Variants in CHMP4B observed in about 807,000 individuals in gnomAD.
CHMP4B encodes charged multivesicular body protein 4B, also known as SNF7 homolog associated with Alix 1.
In CHMP4B, 1 loss-of-function variant was observed where a neutral mutation model predicts 25.1. The ratio of observed to expected loss-of-function variants is 0.04; its 90% CI spans 0.01 to 0.19. The LOEUF is 0.19. Ranked by LOEUF, CHMP4B falls within the 10% of genes least tolerant of loss-of-function variation. The pLI, the probability that CHMP4B is intolerant of heterozygous loss-of-function variation, is 1.00. For synonymous variants in CHMP4B, 101 were observed against 115.6 expected (o/e 0.87, Z 0.81); for missense variants, 151 against 289.7 (o/e 0.52, Z 3.48).
intron 1 of CHMP4B, among the ~76,000 whole-genome samples, chr20:33,844,800 C>T (rs1253363474): frequency 1.3e-5 from 2 of 151,412 alleles, no homozygotes; most frequent in Non-Finnish European, 2.9e-5. Flanking sequence ...GCTCTGTCGC[C>T]CAGGCTGGAG....
rs1037777825 is a variant in CHMP4B at position 33,853,635 on chromosome 20, C to T, written c.*75C>T. 2 of 1,342,250 alleles carry T rather than the reference C, an allele frequency of 1.5e-6. No homozygotes were observed. Among genetic ancestry groups the T allele is most frequent in the Non-Finnish European group, 1.1e-6 (1 of 933,800 alleles). The allele number at this position is 1,342,250 out of a possible 1,614,324, so 83.1% of individuals were successfully genotyped here. A position where few individuals can be genotyped will look rare whatever the true frequency, so the allele number is the denominator to read the frequency against. ...CGAGCAGGCGTGTGCGTGTGTGGGG[C>T]AGGCAGGATGTGGTGCAGGCAGGTT... On this transcript the variant is annotated 3_prime_UTR_variant, in exon 5 of 5. Coordinates refer to ENST00000217402, the MANE Select transcript of CHMP4B (RefSeq NM_176812.5).
intron 2 of CHMP4B, among the ~76,000 whole-genome samples, chr20:33,850,471 A>G (rs1601329553): frequency 1.3e-5 from 2 of 152,214 alleles, no homozygotes; most frequent in African/African-American, 4.8e-5. Context: ...CAGTGTGTAG[A>G]AGAAAATTCT....
rs55917511 is a variant in CHMP4B, at chr20:33,830,933, G to GTTTTTTTTTTT, written c.191-17528_191-17518dup. Among the ~76,000 whole-genome samples, 22 of 102,566 alleles carry GTTTTTTTTTTT rather than the reference G, an allele frequency of 2.1e-4. 1 individual carries two copies. Among genetic ancestry groups the GTTTTTTTTTTT allele is most frequent in the African/African-American group, 6.6e-4 (18 of 27,432 alleles). The allele number at this position is 102,566 out of a possible 152,430, so 67.3% of individuals were successfully genotyped here. ...TGAATTAATTGTTCAAAGGAACAGAGTTTTTTTTTTTTTTTTAGTTTTTTT... is the reference window on the plus strand; with the variant it reads ...TGAATTAATTGTTCAAAGGAACAGAGTTTTTTTTTTTTTTTTTTTTTTTTTTTAGTTTTTTT... On this transcript the variant is annotated intron_variant, in intron 1 of 4. Coordinates refer to ENST00000217402, the MANE Select transcript of CHMP4B (RefSeq NM_176812.5).
intron 1 of CHMP4B, among the ~76,000 whole-genome samples, chr20:33,846,499 G>A (rs1230338055): frequency 6.6e-6 from 1 of 152,206 alleles, no homozygotes; most frequent in African/African-American, 2.4e-5. Context: ...GATGTTTTAC[G>A]AGTTCTCTTT....
At chr20:33,825,974 T>C (rs1307097725) in intron 1 of CHMP4B, among the ~76,000 whole-genome samples, 1 of 152,132 alleles carries the variant, frequency 6.6e-6, no homozygotes, top group African/African-American at 2.4e-5. Flanking sequence ...GAAAAAAGGT[T>C]GTTAAGTTCC....
intron 1 of CHMP4B, among the ~76,000 whole-genome samples, chr20:33,829,768 A>G (rs1359310617): frequency 6.6e-6 from 1 of 152,216 alleles, no homozygotes; most frequent in African/African-American, 2.4e-5. Flanking sequence ...GAGTCTCCGG[A>G]GATAGTTTAA....
At chr20:33,832,725 T>C (rs1392540691) in intron 1 of CHMP4B, among the ~76,000 whole-genome samples, 1 of 151,922 alleles carries the variant, frequency 6.6e-6, no homozygotes, top group Admixed American at 6.6e-5. Flanking sequence ...TGAATGGTAG[T>C]AATTAGGTTA....
chr20:33,826,941 T>C (rs1979111302), intron 1 of CHMP4B, among the ~76,000 whole-genome samples: 1 of 152,236 alleles, frequency 6.6e-6, no homozygotes, highest in Non-Finnish European at 1.5e-5. Flanking sequence ...CTTCCTTTCA[T>C]GTTTATCTTT....
chr20:33,811,713 G>T (rs1978621568), intron 1 of CHMP4B, 55 bp downstream of exon 1: 4 of 1,563,346 alleles, frequency 2.6e-6, no homozygotes, highest in Non-Finnish European at 3.5e-6. Context: ...GGCTCCCCGG[G>T]CCCGGACTTC....
chr20:33,816,322 C>G (rs2747536), intron 1 of CHMP4B, among the ~76,000 whole-genome samples: 95,578 of 152,070 alleles, frequency 0.63, 32,454 homozygotes, highest in East Asian at 0.9. Context: ...ATCTCACATG[C>G]CTATGGTGAG....
chr20:33,840,171 G>A (rs1034214405), intron 1 of CHMP4B, among the ~76,000 whole-genome samples: 2 of 151,886 alleles, frequency 1.3e-5, no homozygotes, highest in Non-Finnish European at 2.9e-5. Context: ...ACTTGAACCC[G>A]GGAGGCAGAG....
intron 1 of CHMP4B, among the ~76,000 whole-genome samples, chr20:33,822,133 TTTTA>T (rs574290731): frequency 1.3e-5 from 2 of 151,604 alleles, no homozygotes; most frequent in South Asian, 2.1e-4. Flanking sequence ...CCTATTGCTA[TTTTA>T]TTTATTTATT....
intron 1 of CHMP4B, among the ~76,000 whole-genome samples, 154 bp from the exon 2 acceptor site, chr20:33,848,313 T>G (rs530165048): frequency 4.9e-4 from 74 of 152,276 alleles, no homozygotes; most frequent in African/African-American, 1.8e-3. Context: ...TTGTAGAAAA[T>G]TGAATGTGCT....
At position 33,833,853 on chromosome 20, in the gene CHMP4B, A is replaced by T. The variant is rs184739492; in HGVS notation, c.191-14614A>T. ...CTCTGTCATGTATTACATTGTCCATATCTGCTGGCCTGTGAATTCCTTCAG... is the reference window on the plus strand; with the variant it reads ...CTCTGTCATGTATTACATTGTCCATTTCTGCTGGCCTGTGAATTCCTTCAG... On this transcript the variant is annotated intron_variant, in intron 1 of 4. Transcript: ENST00000217402. Among the ~76,000 whole-genome samples, 19 of 152,276 alleles carry T rather than the reference A, an allele frequency of 1.2e-4. No homozygotes were observed. The East Asian group carries it at 2.5e-3, about 20-fold the overall frequency.
chr20:33,833,298 C>T (rs1979305824), intron 1 of CHMP4B, among the ~76,000 whole-genome samples: 1 of 152,218 alleles, frequency 6.6e-6, no homozygotes. Flanking sequence ...ATCTCCACCA[C>T]CTGGTTGCCC....
At chr20:33,837,167 C>T (rs1601324374) in intron 1 of CHMP4B, among the ~76,000 whole-genome samples, 2 of 152,080 alleles carry the variant, frequency 1.3e-5, no homozygotes, top group South Asian at 4.2e-4. Context: ...TCCTGTTATC[C>T]CAGCACTTTA....
chr20:33,815,076 G>T (rs1729148740), intron 1 of CHMP4B, among the ~76,000 whole-genome samples: 1 of 152,232 alleles, frequency 6.6e-6, no homozygotes, highest in Non-Finnish European at 1.5e-5. Flanking sequence ...TCAGGGGCAA[G>T]GATAGTGCCT....
At chr20:33,830,309 T>C (rs1451745926) in intron 1 of CHMP4B, among the ~76,000 whole-genome samples, 2 of 152,152 alleles carry the variant, frequency 1.3e-5, no homozygotes, top group Non-Finnish European at 2.9e-5. Flanking sequence ...CAAGAGGGTA[T>C]GGGGGATACT....
intron 1 of CHMP4B, among the ~76,000 whole-genome samples, chr20:33,819,590 G>C (rs1978877348): frequency 6.6e-6 from 1 of 152,178 alleles, no homozygotes; most frequent in Non-Finnish European, 1.5e-5. Flanking sequence ...GAGCTGGCTT[G>C]GAGGGCTTAT....
Sources: gnomAD v4.1 joint callset for allele counts (sites outside exome capture counted in the v4.1 genomes callset) on GRCh38, gnomAD v4.1.1 for gene constraint, MANE v1.5 for transcripts, NCBI Gene and HGNC (gene_info 2026-07-23, HGNC 2026-07-21) for gene names.